AGPAT4: variants seen among roughly 807,000 people sequenced by gnomAD.
AGPAT4 encodes the protein 1-acyl-sn-glycerol-3-phosphate acyltransferase delta.
Under a neutral mutation model 48.0 loss-of-function variants are expected in AGPAT4, and 15 were observed. That is an observed-to-expected ratio of 0.31 (90% CI 0.21 to 0.48). The LOEUF (loss-of-function observed/expected upper bound fraction) is 0.48. AGPAT4 is among the 20% of genes least tolerant of loss of function. The probability of loss-of-function intolerance (pLI) is 0.99; values close to 1 mark genes in which losing one functional copy is unlikely to be tolerated. For missense variants in AGPAT4, 314 were observed against 482.5 expected, an observed-to-expected ratio of 0.65 and a Z score of 3.27; for synonymous variants, 178 against 198.7, an observed-to-expected ratio of 0.90 and a Z score of 0.88.
rs779558447 is a variant in AGPAT4, at chr6:161,147,325, G to C, written c.768-726C>G. Among the ~76,000 whole-genome samples, 1 of 152,168 alleles carries C rather than the reference G, an allele frequency of 6.6e-6. No individual in the cohort carries two copies. The highest frequency in any genetic ancestry group is 1.5e-5 in the Non-Finnish European group (1 of 68,034). ...GCAAAGAGCCCATACTGAACACAGG[G>C]AGAAGTCACTCTGCCACCTTTGCCC... On this transcript the variant is annotated intron_variant, in intron 6 of 8. Transcript: ENST00000320285. This position sits in a 1 kb window ranked among gnomAD's most constrained non-coding sequence, Gnocchi z 4.8.
rs1404594560 is a variant in AGPAT4, at chr6:161,158,351, T to C, written c.349-4041A>G. On this transcript the variant is annotated intron_variant, in intron 3 of 8. Coordinates refer to ENST00000320285, the MANE Select transcript of AGPAT4 (RefSeq NM_020133.3). This position sits in a 1 kb window ranked among gnomAD's most constrained non-coding sequence, Gnocchi z 5.3. ...GAGAATGTACAAGAAAATATACTAA[T>C]TTCATCAATTCTGGATTTATTTCAC... Among the ~76,000 whole-genome samples the C allele has an allele frequency of 6.6e-6, 1 of 152,192 alleles. No individual in the cohort carries two copies. The highest frequency in any genetic ancestry group is 1.9e-4 in the East Asian group (1 of 5,198).
Position 161,256,237 on chromosome 6 carries a change from C to T in AGPAT4, c.-90+17701G>A, listed in dbSNP as rs189561301. On this transcript the variant is annotated intron_variant, in intron 1 of 8. Coordinates refer to ENST00000320285, the MANE Select transcript of AGPAT4 (RefSeq NM_020133.3). ...CTGGATCCTGAGTATAGGCAATGGG[C>T]AAAGCTGGAAGGATACGAAAACCTG... 7.2e-5 allele frequency among the ~76,000 whole-genome samples: 11 copies of T among 152,278 alleles called. No individual in the cohort carries two copies. In the East Asian group the frequency reaches 2.1e-3, roughly 29 times the overall value.
chr6:161,160,782 C>A (rs1779905540), intron 3 of AGPAT4: 2 of 348,180 alleles, frequency 5.7e-6, no homozygotes, highest in Non-Finnish European at 1.1e-5. Context: ...GGCCCCTTCC[C>A]AGTTTCTCTT....
intron 2 of AGPAT4, among the ~76,000 whole-genome samples, chr6:161,176,844 CA>C (rs1780443767): frequency 6.6e-6 from 1 of 152,134 alleles, no homozygotes; most frequent in Non-Finnish European, 1.5e-5. Context: ...CTGGTGGTGA[CA>C]AAATCTCTCA....
In AGPAT4 at chr6:161,195,983, C is replaced by T. The variant is rs1781055767; in HGVS notation, c.179-29566G>A. 1.3e-5 allele frequency among the ~76,000 whole-genome samples: 2 copies of T among 152,180 alleles called. No homozygotes were observed. Among genetic ancestry groups the T allele is most frequent in the African/African-American group, 2.4e-5 (1 of 41,448 alleles). On this transcript the variant is annotated intron_variant, in intron 2 of 8. Transcript: ENST00000320285. This position sits in a 1 kb window ranked among gnomAD's most constrained non-coding sequence, Gnocchi z 5.0. Reference sequence around the variant, plus strand: ...CACCGTGTGCAGAGGCAGCTCACACCCACAAGGCTCTGTGATTCACGTGCT... The same window carrying T: ...CACCGTGTGCAGAGGCAGCTCACACTCACAAGGCTCTGTGATTCACGTGCT...
In AGPAT4 at chr6:161,234,877, C is replaced by A. The variant is rs968274701; in HGVS notation, c.-89-2575G>T. On this transcript the variant is annotated intron_variant, in intron 1 of 8. Coordinates refer to ENST00000320285, the MANE Select transcript of AGPAT4 (RefSeq NM_020133.3). This position sits in a 1 kb window ranked among gnomAD's most constrained non-coding sequence, Gnocchi z 4.4. ...GCATTAGGAAGAAAAATTAAGAATT[C>A]TTTTTTCCTTATAAAATTTCAAGGT... Among the ~76,000 whole-genome samples the A allele has an allele frequency of 2.0e-5, 3 of 151,998 alleles. No individual in the cohort carries two copies. Among genetic ancestry groups the A allele is most frequent in the East Asian group, 1.9e-4 (1 of 5,196 alleles).
chr6:161,139,316 C>T lies in AGPAT4; in HGVS notation c.1042+106G>A, dbSNP rs1469639755. The T allele has an allele frequency of 8.0e-7, 1 of 1,256,300 alleles. No individual in the cohort carries two copies. Among genetic ancestry groups the T allele is most frequent in the Non-Finnish European group, 1.1e-6 (1 of 893,492 alleles). 77.8% of individuals were successfully genotyped at this position (1,256,300 alleles called of 1,614,324 possible). A position where few individuals can be genotyped will look rare whatever the true frequency, so the allele number is the denominator to read the frequency against. ...GTGATTGCAAGCTGAGCCTGCTCCT[C>T]ATCCACGGCACAACTGCCTATACAG... On this transcript the variant is annotated intron_variant, in intron 8 of 8. Coordinates refer to ENST00000320285, the MANE Select transcript of AGPAT4 (RefSeq NM_020133.3). The surrounding 1 kb of genome is among the most constrained non-coding windows in gnomAD (Gnocchi z 9.1).
chr6:161,248,766 A>G (rs1456239708), intron 1 of AGPAT4, among the ~76,000 whole-genome samples: 2 of 152,182 alleles, frequency 1.3e-5, no homozygotes, highest in Admixed American at 6.5e-5. Flanking sequence ...TACAGATTCA[A>G]TGCTATTCCT....
intron 2 of AGPAT4, among the ~76,000 whole-genome samples, chr6:161,179,200 A>C (rs1417413573): frequency 1.3e-5 from 2 of 152,232 alleles, no homozygotes; most frequent in Non-Finnish European, 2.9e-5. Context: ...ACTAAAGTTT[A>C]CTGAGTTCGT....
rs1313448166 is a variant in AGPAT4, at chr6:161,242,476, C to A, written c.-89-10174G>T. Among the ~76,000 whole-genome samples, 1 of 152,174 alleles carries A rather than the reference C, an allele frequency of 6.6e-6. No individual in the cohort carries two copies. Among genetic ancestry groups the A allele is most frequent in the Non-Finnish European group, 1.5e-5 (1 of 68,036 alleles). On this transcript the variant is annotated intron_variant, in intron 1 of 8. Transcript: ENST00000320285. This position sits in a 1 kb window ranked among gnomAD's most constrained non-coding sequence, Gnocchi z 5.0. ...CACCTTTTCTCCAAGTAGAAGGCCACATCCTCCAAACCCCATCCAGCTCGC... is the reference window on the plus strand; with the variant it reads ...CACCTTTTCTCCAAGTAGAAGGCCAAATCCTCCAAACCCCATCCAGCTCGC...
chr6:161,132,993 A>C lies in AGPAT4; in HGVS notation c.*3547T>G, dbSNP rs1225035865. 1 of 152,232 alleles carries C rather than the reference A, an allele frequency of 6.6e-6. No individual in the cohort carries two copies. Among genetic ancestry groups the C allele is most frequent in the Non-Finnish European group, 1.5e-5 (1 of 68,042 alleles). The allele number at this position is 152,232 out of a possible 1,614,324, so 9.4% of individuals were successfully genotyped here. On this transcript the variant is annotated 3_prime_UTR_variant, in exon 9 of 9. Transcript: ENST00000320285. ...GCCCCTCAAGAGACGTGCAAACCAA[A>C]GTATTTGTTTTTCTCACTTTATCTT...
In AGPAT4 at chr6:161,135,552, G is replaced by A. The variant is rs2114945429; in HGVS notation, c.*988C>T. On this transcript the variant is annotated 3_prime_UTR_variant, in exon 9 of 9. Coordinates refer to ENST00000320285, the MANE Select transcript of AGPAT4 (RefSeq NM_020133.3). ...CGGCTCTGATTTGACCCTCATCAGA[G>A]CAGGACCTGGCTCCTTTAGGGCTGC... 6.6e-6 allele frequency: 1 copy of A among 152,328 alleles called. No individual in the cohort carries two copies. The highest frequency in any genetic ancestry group is 1.5e-5 in the Non-Finnish European group (1 of 68,048). The allele number at this position is 152,328 out of a possible 1,614,324, so 9.4% of individuals were successfully genotyped here.
chr6:161,175,529 T>C (rs1246688356), intron 2 of AGPAT4, among the ~76,000 whole-genome samples: 1 of 152,212 alleles, frequency 6.6e-6, no homozygotes, highest in Non-Finnish European at 1.5e-5. Context: ...TCTATTTGAT[T>C]CTTCTCTCTT....
In AGPAT4 at chr6:161,194,144, CA is replaced by C. The variant is rs375616581; in HGVS notation, c.179-27728del. ...CACACTGGGTTTTGAAGATTTCCAACAAAAAAAGAAAATGCCAAATATCTCA... is the reference window on the plus strand; with the variant it reads ...CACACTGGGTTTTGAAGATTTCCAACAAAAAAGAAAATGCCAAATATCTCA... On this transcript the variant is annotated intron_variant, in intron 2 of 8. Transcript: ENST00000320285. 4.6e-4 allele frequency among the ~76,000 whole-genome samples: 70 copies of C among 151,994 alleles called. 1 individual carries two copies. In the South Asian group the frequency reaches 0.014, roughly 31 times the overall value.
At chr6:161,160,104 A>ATTTTTTTTTTTTTT (rs5881394) in intron 3 of AGPAT4, 4 of 74,010 alleles carry the variant, frequency 5.4e-5, no homozygotes, top group Non-Finnish European at 7.2e-5. Flanking sequence ...CACCCAGCTA[A>ATTTTTTTTTTTTTT]TTTTTTTTTT....
In AGPAT4 at chr6:161,219,877, AGG is replaced by A. The variant is rs1562343698; in HGVS notation, c.178+12157_178+12158del. 0.057 allele frequency among the ~76,000 whole-genome samples: 5,738 copies of A among 101,406 alleles called. 269 individuals are homozygous for A. The highest frequency in any genetic ancestry group is 0.082 in the Non-Finnish European group (3,622 of 44,080). 66.5% of individuals were successfully genotyped at this position (101,406 alleles called of 152,430 possible). A position where few individuals can be genotyped will look rare whatever the true frequency, so the allele number is the denominator to read the frequency against. Reference sequence around the variant, plus strand: ...TAGATAGATAGATAGATAGATAGGCAGGCAGGCAGGCAGGCAGGCAGGCAGGC... The same window carrying A: ...TAGATAGATAGATAGATAGATAGGCACAGGCAGGCAGGCAGGCAGGCAGGC... On this transcript the variant is annotated intron_variant, in intron 2 of 8. Transcript: ENST00000320285. The surrounding 1 kb of genome is among the most constrained non-coding windows in gnomAD (Gnocchi z 4.9).
intron 2 of AGPAT4, among the ~76,000 whole-genome samples, chr6:161,181,737 C>T (rs1271544189): frequency 6.6e-6 from 1 of 152,152 alleles, no homozygotes; most frequent in Non-Finnish European, 1.5e-5. Context: ...CAGAATCTCC[C>T]AAGCATCTGC....
intron 2 of AGPAT4, among the ~76,000 whole-genome samples, chr6:161,209,917 C>T (rs979795874): frequency 6.6e-6 from 1 of 151,910 alleles, no homozygotes; most frequent in Admixed American, 6.6e-5. Context: ...AGCCAAGACC[C>T]CTTTGTTTCG....
chr6:161,250,242 A>C (rs764234071), intron 1 of AGPAT4, among the ~76,000 whole-genome samples: 15 of 152,236 alleles, frequency 9.9e-5, no homozygotes, highest in Non-Finnish European at 2.1e-4. Flanking sequence ...ACTAAGAGGT[A>C]GTAGCTTTAA....
Sources: gnomAD v4.1 joint callset for allele counts (sites outside exome capture counted in the v4.1 genomes callset) on GRCh38, gnomAD v4.1.1 for gene constraint, Gnocchi (gnomAD v3.1) non-coding constraint, MANE v1.5 for transcripts, NCBI Gene and HGNC (gene_info 2026-07-23, HGNC 2026-07-21) for gene names.